INPP4B: variants seen among roughly 807,000 people sequenced by gnomAD.
The protein encoded by INPP4B is inositol polyphosphate-4-phosphatase type II B.
INPP4B carries 55 observed loss-of-function variants against 122.5 expected under a neutral mutation model. The ratio of observed to expected loss-of-function variants is 0.45; its 90% CI spans 0.36 to 0.56. The LOEUF is 0.56. Ranked by LOEUF, INPP4B falls within the 20% of genes least tolerant of loss-of-function variation. INPP4B has a pLI of 0.00. For missense variants in INPP4B, 1,000 were observed against 1,097.7 expected (o/e 0.91, Z 1.26); for synonymous variants, 403 against 388.7 (o/e 1.04, Z -0.43).
intron 2 of INPP4B, among the ~76,000 whole-genome samples, chr4:142,694,359 C>T (rs185476046): frequency 4.3e-5 from 6 of 141,094 alleles, no homozygotes; most frequent in Admixed American, 3.0e-4. Flanking sequence ...GGTGACAGAA[C>T]GAGACTCGTC....
At chr4:142,738,081 C>G (rs167960) in intron 1 of INPP4B, among the ~76,000 whole-genome samples, 35,350 of 152,038 alleles carry the variant, frequency 0.23, 4,374 homozygotes, top group South Asian at 0.35. Context: ...ACTAGAAATA[C>G]CATTTGACCC....
intron 2 of INPP4B, among the ~76,000 whole-genome samples, chr4:142,536,434 G>T (rs1828201666): frequency 6.6e-6 from 1 of 152,080 alleles, no homozygotes; most frequent in African/African-American, 2.4e-5. Flanking sequence ...TAATTCAGCT[G>T]ATAATTAACC....
intron 2 of INPP4B, among the ~76,000 whole-genome samples, chr4:142,614,768 A>G (rs975396630): frequency 1.3e-5 from 2 of 152,126 alleles, no homozygotes; most frequent in African/African-American, 4.8e-5. Flanking sequence ...ACATACAAGT[A>G]ACCTATAAAC....
At chr4:142,676,361 A>T (rs1374869383) in intron 2 of INPP4B, among the ~76,000 whole-genome samples, 1 of 152,216 alleles carries the variant, frequency 6.6e-6, no homozygotes, top group African/African-American at 2.4e-5. Context: ...AACGAATGGA[A>T]AAACATTCCA....
At chr4:142,103,134 C>A (rs1015301136) in intron 23 of INPP4B, among the ~76,000 whole-genome samples, 5 of 152,128 alleles carry the variant, frequency 3.3e-5, no homozygotes, top group African/African-American at 9.6e-5. Context: ...GAGTCACAAT[C>A]ATCAAATCCA....
intron 25 of INPP4B, among the ~76,000 whole-genome samples, chr4:142,059,807 A>G (rs955594520): frequency 4.6e-5 from 7 of 152,162 alleles, no homozygotes; most frequent in African/African-American, 1.7e-4. Flanking sequence ...TAGCTAGCTC[A>G]GGACTGACAT....
At chr4:142,335,278 C>A (rs560850163) in intron 7 of INPP4B, among the ~76,000 whole-genome samples, 2 of 152,136 alleles carry the variant, frequency 1.3e-5, no homozygotes, top group East Asian at 1.9e-4. Context: ...ACAACAACAA[C>A]AAAAATCTAG....
chr4:142,767,782 CCT>C (rs1772388335), intron 1 of INPP4B: 1 of 152,136 alleles, frequency 6.6e-6, no homozygotes, highest in Non-Finnish European at 1.5e-5. Flanking sequence ...GTACAGAATG[CCT>C]CTTAGAATTG....
intron 2 of INPP4B, among the ~76,000 whole-genome samples, chr4:142,710,962 C>T (rs1763046520): frequency 6.6e-6 from 1 of 152,172 alleles, no homozygotes; most frequent in African/African-American, 2.4e-5. Context: ...CTCTTCAAAT[C>T]CTGGCACTTC....
intron 7 of INPP4B, among the ~76,000 whole-genome samples, chr4:142,367,651 A>G (rs1788059856): frequency 6.6e-6 from 1 of 152,072 alleles, no homozygotes; most frequent in South Asian, 2.1e-4. Context: ...TGTGTTCTCA[A>G]CATTATGCTC....
At chr4:142,506,363 T>G (rs1449439701) in intron 2 of INPP4B, among the ~76,000 whole-genome samples, 1 of 152,128 alleles carries the variant, frequency 6.6e-6, no homozygotes, top group Non-Finnish European at 1.5e-5. Flanking sequence ...CTTCCTCACC[T>G]ATCACCAACT....
intron 6 of INPP4B, among the ~76,000 whole-genome samples, chr4:142,404,265 TCCA>T (rs1323251570): frequency 6.6e-6 from 1 of 152,188 alleles, no homozygotes; most frequent in Admixed American, 6.5e-5. Flanking sequence ...AATCATTTAT[TCCA>T]CCACCGCATC....
chr4:142,235,953 T>C (rs2149933479), intron 12 of INPP4B, among the ~76,000 whole-genome samples: 1 of 152,340 alleles, frequency 6.6e-6, no homozygotes, highest in Middle Eastern at 3.4e-3. Context: ...AATTATAGAA[T>C]AAATTATTGT....
chr4:142,765,834 AG>A (rs1345082768), intron 1 of INPP4B: 4 of 139,042 alleles, frequency 2.9e-5, no homozygotes, highest in African/African-American at 1.1e-4. Context: ...CTCAGCAAAA[AG>A]CTTCTGGTTT....
At chr4:142,537,944 C>T (rs1828487558) in intron 2 of INPP4B, among the ~76,000 whole-genome samples, 1 of 151,950 alleles carries the variant, frequency 6.6e-6, no homozygotes, top group African/African-American at 2.4e-5. Flanking sequence ...CTGAAGTAAG[C>T]TGGAGTTCAG....
intron 16 of INPP4B, among the ~76,000 whole-genome samples, chr4:142,172,920 G>T (rs1036630583): frequency 2.0e-5 from 3 of 151,918 alleles, no homozygotes; most frequent in Non-Finnish European, 4.4e-5. Flanking sequence ...GTGGACACTG[G>T]TTTTACATTG....
intron 17 of INPP4B, among the ~76,000 whole-genome samples, chr4:142,156,574 A>G (rs925232827): frequency 4.6e-5 from 7 of 152,126 alleles, no homozygotes; most frequent in African/African-American, 1.2e-4. Flanking sequence ...GCTTTTCAGG[A>G]AAATAAACCC....
chr4:142,152,569 G>C (rs930002106), intron 17 of INPP4B, among the ~76,000 whole-genome samples: 1 of 151,906 alleles, frequency 6.6e-6, no homozygotes, highest in African/African-American at 2.4e-5. Context: ...TGAAAATTTT[G>C]GGCGTTTTTA....
chr4:142,330,680 T>A (rs1774136025), intron 7 of INPP4B, among the ~76,000 whole-genome samples: 1 of 152,220 alleles, frequency 6.6e-6, no homozygotes, highest in South Asian at 2.1e-4. Context: ...ACCTGGGATG[T>A]TTAAGGACTT....
Sources: gnomAD v4.1 joint callset for allele counts (sites outside exome capture counted in the v4.1 genomes callset) on GRCh38, gnomAD v4.1.1 for gene constraint, MANE v1.5 for transcripts, NCBI Gene and HGNC (gene_info 2026-07-23, HGNC 2026-07-21) for gene names.